PPP6R1: variants seen among roughly 807,000 people sequenced by gnomAD.
PPP6R1 encodes protein phosphatase 6 regulatory subunit 1, also known as serine/threonine-protein phosphatase 6 regulatory subunit 1.
A neutral mutation model predicts 104.6 loss-of-function variants in PPP6R1; 39 were observed. The observed-to-expected ratio is 0.37, with a 90% CI of 0.29 to 0.49. The LOEUF is 0.49. Ranked by LOEUF, PPP6R1 falls within the 20% of genes least tolerant of loss-of-function variation. The pLI is 0.98. For missense variants in PPP6R1, 1,181 were observed against 1,155.8 expected (o/e 1.02, Z -0.32); for synonymous variants, 549 against 479.0 (o/e 1.15, Z -1.91).
At chr19:55,228,317 G>C, downstream of PPP6R1, 2 of 1,613,882 alleles carry the variant, frequency 1.2e-6, no homozygotes, top group Non-Finnish European at 1.7e-6. Context: ...GCCAGGCAGA[G>C]GACGGGCAGG....
chr19:55,232,568 C>T lies in PPP6R1; in HGVS notation c.1989-357G>A, dbSNP rs751794534. On this transcript the variant is annotated intron_variant, in intron 17 of 23. Coordinates refer to ENST00000412770, the MANE Select transcript of PPP6R1 (RefSeq NM_014931.4). ...GCCACCTCCCAGCCGTCACCTCACACGGTCACCACAGTGACAGGCCTTCCC... is the reference window on the plus strand; with the variant it reads ...GCCACCTCCCAGCCGTCACCTCACATGGTCACCACAGTGACAGGCCTTCCC... 6 of 242,922 alleles carry T rather than the reference C, an allele frequency of 2.5e-5. No homozygotes were observed. In the South Asian group the frequency reaches 3.5e-4, roughly 14 times the overall value. The allele number at this position is 242,922 out of a possible 1,614,324, so 15.0% of individuals were successfully genotyped here.
intron 17 of PPP6R1, chr19:55,236,411 C>T: frequency 1.9e-6 from 1 of 522,060 alleles, no homozygotes; most frequent in Non-Finnish European, 3.3e-6. Context: ...CTGCCCTGGC[C>T]TCCCAAAGTA....
At chr19:55,243,652 C>A (rs1306889505) in intron 5 of PPP6R1, among the ~76,000 whole-genome samples, 2 of 151,754 alleles carry the variant, frequency 1.3e-5, no homozygotes, top group Admixed American at 6.6e-5. Context: ...GGCAACAGAG[C>A]AAGACACTGT....
chr19:55,240,592 T>C (rs982366903), intron 10 of PPP6R1, among the ~76,000 whole-genome samples: 1 of 146,796 alleles, frequency 6.8e-6, no homozygotes. Flanking sequence ...TGCTCACACA[T>C]ACATGTTCAC....
At chr19:55,234,895 G>A (rs1445983110) in intron 17 of PPP6R1, among the ~76,000 whole-genome samples, 1 of 152,184 alleles carries the variant, frequency 6.6e-6, no homozygotes, top group African/African-American at 2.4e-5. Context: ...CATCTACAGG[G>A]TTAGAAGCCA....
At chr19:55,244,125 G>C (rs2087484787) in intron 5 of PPP6R1, among the ~76,000 whole-genome samples, 1 of 152,262 alleles carries the variant, frequency 6.6e-6, no homozygotes, top group Non-Finnish European at 1.5e-5. Flanking sequence ...CCAACGGGCA[G>C]CTGCCAGGGC....
chr19:55,240,827 C>T (rs1449080087), intron 10 of PPP6R1, 118 bp downstream of exon 10: 3 of 1,392,536 alleles, frequency 2.2e-6, no homozygotes, highest in African/African-American at 2.9e-5. Flanking sequence ...TGGGCGCTGG[C>T]ACCTAACACT....
rs1390369165 is a variant in PPP6R1, at chr19:55,232,108, G to A, written c.2092C>T (p.Leu698=). ...TGAGGGCCAGGGCTGGGGTAGGACA[G>A]AGGGGTGGCCCCTCCACGGGCTGCA... The part of the protein sequence containing the change: ...GCAARGGATP[L]SYPSPGPQPP... Residue 698 remains leucine (L), a synonymous_variant, in exon 18 of 24, where the codon CTG becomes TTG. Coordinates refer to ENST00000412770, the MANE Select transcript of PPP6R1 (RefSeq NM_014931.4). 7.5e-6 allele frequency: 12 copies of A among 1,607,380 alleles called. No homozygotes were observed. The highest frequency in any genetic ancestry group is 3.4e-5 in the Admixed American group (2 of 59,040).
chr19:55,251,606 G>A (rs1050594042), intron 1 of PPP6R1, among the ~76,000 whole-genome samples: 5 of 152,106 alleles, frequency 3.3e-5, no homozygotes, highest in African/African-American at 4.8e-5. Context: ...TCCTTGCTCC[G>A]GGAACCTCTG....
rs1487036867 is a variant in PPP6R1, at chr19:55,231,491, G to A, written c.2378C>T (p.Ala793Val). 3 of 1,606,478 alleles carry A rather than the reference G, an allele frequency of 1.9e-6. No homozygotes were observed. The highest frequency in any genetic ancestry group is 1.7e-4 in the Middle Eastern group (1 of 5,986). Residue 793 changes from alanine (A) to valine (V), a missense_variant and splice_region_variant, in exon 21 of 24, where the codon GCC becomes GTC. Coordinates refer to ENST00000412770, the MANE Select transcript of PPP6R1 (RefSeq NM_014931.4). ...GATGCTAACCAAGGCCTGGCAAGGG[G>A]CTGTGGGGGATAAGAGATCTCAGCT... ...TEGSKVTEPS[A>V]PCQALVSIGD... is the part of the protein sequence containing the mutation.
intron 21 of PPP6R1, 104 bp downstream of exon 21, chr19:55,231,306 A>G: frequency 7.4e-7 from 1 of 1,350,046 alleles, no homozygotes; most frequent in Admixed American, 2.0e-5. Context: ...GGTCCTGCAA[A>G]GGAGGCCTGG....
chr19:55,243,367 C>T (rs181940757), intron 5 of PPP6R1, among the ~76,000 whole-genome samples: 2 of 141,508 alleles, frequency 1.4e-5, no homozygotes, highest in East Asian at 2.1e-4. Context: ...GAGCCGAGAT[C>T]GTGCCACTGC....
At position 55,241,677 on chromosome 19, in the gene PPP6R1, AT is replaced by A; in HGVS notation, c.846-39del. 1 of 1,517,244 alleles carries A rather than the reference AT, an allele frequency of 6.6e-7. No homozygotes were observed. The highest frequency in any genetic ancestry group is 8.8e-7 in the Non-Finnish European group (1 of 1,131,006). The allele number at this position is 1,517,244 out of a possible 1,614,324, so 94.0% of individuals were successfully genotyped here. ...AGGGTCGAAGGCGGAGTGAGCCTAGATGGCCTGTGCGCCCACACAGGAGTAG... is the reference window on the plus strand; with the variant it reads ...AGGGTCGAAGGCGGAGTGAGCCTAGAGGCCTGTGCGCCCACACAGGAGTAG... On this transcript the variant is annotated intron_variant, in intron 7 of 23. Transcript: ENST00000412770. This position sits in a 1 kb window ranked among gnomAD's most constrained non-coding sequence, Gnocchi z 5.4.
intron 15 of PPP6R1, chr19:55,238,995 C>CT (rs2087424010): frequency 5.0e-6 from 1 of 198,234 alleles, no homozygotes. Context: ...GTCTGGCAGA[C>CT]TCCTGAGCCA....
chr19:55,242,775 G>A (rs2087470384), intron 5 of PPP6R1, among the ~76,000 whole-genome samples: 1 of 152,222 alleles, frequency 6.6e-6, no homozygotes, highest in Admixed American at 6.5e-5. Flanking sequence ...AGAAGGCTCT[G>A]ACTGATGAGT....
At chr19:55,231,520 G>A (rs2087346386) in intron 20 of PPP6R1, 29 bp from the exon 21 acceptor site, 3 of 1,599,362 alleles carry the variant, frequency 1.9e-6, no homozygotes, top group Non-Finnish European at 2.6e-6. Context: ...CTCAGCTGCA[G>A]CTCCCAGCAA....
intron 2 of PPP6R1, among the ~76,000 whole-genome samples, chr19:55,246,218 G>A (rs751282733): frequency 5.3e-5 from 8 of 152,136 alleles, no homozygotes; most frequent in African/African-American, 1.4e-4. Context: ...ATCACTTGAG[G>A]TCAGAAGTTC....
At position 55,236,722 on chromosome 19, in the gene PPP6R1, C is replaced by G; in HGVS notation, c.1909G>C (p.Glu637Gln). 6.2e-7 allele frequency: 1 copy of G among 1,613,634 alleles called. No individual in the cohort carries two copies. The highest frequency in any genetic ancestry group is 8.5e-7 in the Non-Finnish European group (1 of 1,179,746). The change falls in exon 17 of 24, where the codon GAG becomes CAG. Residue 637 changes from glutamate (E) to glutamine (Q), a missense_variant. Physicochemically the swap from Glu to Gln is conservative, Grantham distance 29 (BLOSUM62 2). Coordinates refer to ENST00000412770, the MANE Select transcript of PPP6R1 (RefSeq NM_014931.4). Reference sequence around the variant, plus strand: ...CAGGCGCCATCTTCTCCATCAGACTCCCCTGAGCCCTGGGCCTCTTCCTCG... The same window carrying G: ...CAGGCGCCATCTTCTCCATCAGACTGCCCTGAGCCCTGGGCCTCTTCCTCG... Reference protein sequence around the residue: ...EDEEEAQGSGESDGEDGAWQG... With the variant: ...EDEEEAQGSGQSDGEDGAWQG...
intron 1 of PPP6R1, among the ~76,000 whole-genome samples, chr19:55,248,281 G>T (rs961609446): frequency 6.6e-6 from 1 of 152,000 alleles, no homozygotes; most frequent in Non-Finnish European, 1.5e-5. Context: ...TCATCACTCC[G>T]CCACACAGGA....
Sources: gnomAD v4.1 joint callset for allele counts (sites outside exome capture counted in the v4.1 genomes callset) on GRCh38, gnomAD v4.1.1 for gene constraint, Gnocchi (gnomAD v3.1) non-coding constraint, MANE v1.5 for transcripts, NCBI Gene and HGNC (gene_info 2026-07-23, HGNC 2026-07-21) for gene names.